Variants in COPB1 observed in about 807,000 individuals in gnomAD.
COPB1 encodes coatomer subunit beta.
In COPB1, 21 loss-of-function variants were observed where a neutral mutation model predicts 108.7. The ratio of observed to expected loss-of-function variants is 0.19; its 90% CI spans 0.14 to 0.28. COPB1 has a LOEUF of 0.28. Ranked by LOEUF, COPB1 falls within the 10% of genes least tolerant of loss-of-function variation. The probability of loss-of-function intolerance (pLI) is 1.00; values close to 1 mark genes in which losing one functional copy is unlikely to be tolerated. For missense variants in COPB1, 919 were observed against 1,141.3 expected (o/e 0.81, Z 2.81); for synonymous variants, 378 against 386.8 (o/e 0.98, Z 0.27).
chr11:14,499,612 GT>G (rs1164488996), intron 1 of COPB1, 94 bp downstream of exon 1: 3 of 69,740 alleles, frequency 4.3e-5, no homozygotes, highest in African/African-American at 1.7e-4. Context: ...CCCCCACCCG[GT>G]CCCTTCTGCC....
chr11:14,483,739 C>T (rs562637483), intron 7 of COPB1, among the ~76,000 whole-genome samples: 1 of 152,126 alleles, frequency 6.6e-6, no homozygotes, highest in African/African-American at 2.4e-5. Context: ...AGAGAAAGAA[C>T]AGCCCTTCCT....
intron 10 of COPB1, 29 bp from the exon 11 acceptor site, chr11:14,479,743 G>T: frequency 6.5e-7 from 1 of 1,533,502 alleles, no homozygotes; most frequent in Non-Finnish European, 8.8e-7. Context: ...AAAGAAAATG[G>T]AACTAACAAT....
intron 1 of COPB1, 163 bp downstream of exon 1, chr11:14,499,544 G>C (rs1367857332): frequency 6.6e-6 from 1 of 151,418 alleles, no homozygotes; most frequent in African/African-American, 2.4e-5. Context: ...GGGATGGAGC[G>C]TCCGACCCGG....
At chr11:14,490,751 T>C (rs1195570779) in intron 4 of COPB1, 72 bp from the exon 5 acceptor site, 2 of 757,482 alleles carry the variant, frequency 2.6e-6, no homozygotes, top group Non-Finnish European at 4.2e-6. Context: ...CTCTGGACAA[T>C]ACCAAAATTA....
At chr11:14,473,069 T>C (rs1850442138) in intron 14 of COPB1, among the ~76,000 whole-genome samples, 1 of 152,060 alleles carries the variant, frequency 6.6e-6, no homozygotes, top group African/African-American at 2.4e-5. Flanking sequence ...CTGCCTCCCA[T>C]GTTCAAACAA....
At chr11:14,471,438 T>A (rs1850399721) in intron 14 of COPB1, among the ~76,000 whole-genome samples, 1 of 152,098 alleles carries the variant, frequency 6.6e-6, no homozygotes, top group South Asian at 2.1e-4. Flanking sequence ...GATAAAAAAA[T>A]GTTGGAGACT....
chr11:14,491,672 A>G (rs200760714), intron 4 of COPB1, among the ~76,000 whole-genome samples: 46,282 of 94,638 alleles, frequency 0.49, 8,254 homozygotes, highest in South Asian at 0.55. Flanking sequence ...TCTGTCTCAA[A>G]AAAAAAAAAA....
At chr11:14,476,649 T>C (rs1458174507) in intron 12 of COPB1, among the ~76,000 whole-genome samples, 1 of 152,178 alleles carries the variant, frequency 6.6e-6, no homozygotes, top group African/African-American at 2.4e-5. Context: ...ATAAGGTTGT[T>C]AGGATGAAGA....
At chr11:14,486,826 C>T (rs756130121) in intron 6 of COPB1, among the ~76,000 whole-genome samples, 3 of 151,752 alleles carry the variant, frequency 2.0e-5, no homozygotes, top group African/African-American at 4.8e-5. Flanking sequence ...TTTACTGTTT[C>T]GTAAAAGGTT....
intron 14 of COPB1, among the ~76,000 whole-genome samples, chr11:14,473,186 G>C (rs1476980454): frequency 2.0e-5 from 3 of 152,086 alleles, no homozygotes; most frequent in Non-Finnish European, 4.4e-5. Context: ...TGTTGGCCAG[G>C]CTGGTCTCGA....
intron 10 of COPB1, among the ~76,000 whole-genome samples, chr11:14,480,324 G>A (rs920922425): frequency 6.6e-6 from 1 of 152,134 alleles, no homozygotes; most frequent in African/African-American, 2.4e-5. Context: ...GAACTCAAGA[G>A]CTCAAAGGCA....
chr11:14,497,714 G>A lies in COPB1; in HGVS notation c.91+1124C>T, dbSNP rs542949801. Among the ~76,000 whole-genome samples the A allele has an allele frequency of 2.2e-4, 33 of 152,288 alleles. No homozygotes were observed. The South Asian group carries it at 6.8e-3, about 32-fold the overall frequency. On this transcript the variant is annotated intron_variant, in intron 2 of 21. Transcript: ENST00000439561. Reference sequence around the variant, plus strand: ...GGTATATATCCAAAAGAAAGGAAATGAGTACATCAAAGAGATATCTGGACT... The same window carrying A: ...GGTATATATCCAAAAGAAAGGAAATAAGTACATCAAAGAGATATCTGGACT...
chr11:14,480,729 T>C, intron 10 of COPB1, 30 bp downstream of exon 10: 1 of 1,581,112 alleles, frequency 6.3e-7, no homozygotes, highest in African/African-American at 1.4e-5. Flanking sequence ...TTTAGATAAT[T>C]TCAAAATTAA....
At chr11:14,467,335 G>A (rs1357971067) in intron 16 of COPB1, among the ~76,000 whole-genome samples, 1 of 151,828 alleles carries the variant, frequency 6.6e-6, no homozygotes, top group Non-Finnish European at 1.5e-5. Context: ...AAACCACAAT[G>A]AGATACCACT....
chr11:14,492,090 T>C (rs1850917320), intron 4 of COPB1, among the ~76,000 whole-genome samples: 1 of 152,196 alleles, frequency 6.6e-6, no homozygotes, highest in Admixed American at 6.5e-5. Flanking sequence ...TCACAGGCAA[T>C]GTATCCTTTC....
At chr11:14,490,792 CTT>C (rs375723824) in intron 4 of COPB1, 113 bp from the exon 5 acceptor site, 13,417 of 471,420 alleles carry the variant, frequency 0.028, no homozygotes, top group South Asian at 0.044. Context: ...CATACTTTTG[CTT>C]TTTTTTTTTT....
intron 8 of COPB1, among the ~76,000 whole-genome samples, chr11:14,481,575 G>A (rs1364510216): frequency 1.3e-5 from 2 of 152,074 alleles, no homozygotes; most frequent in African/African-American, 4.8e-5. Flanking sequence ...AGGGCTTTTG[G>A]GATAACTGGG....
At chr11:14,495,583 C>T (rs534666931) in intron 2 of COPB1, among the ~76,000 whole-genome samples, 3 of 152,286 alleles carry the variant, frequency 2.0e-5, no homozygotes, top group South Asian at 2.1e-4. Flanking sequence ...ACGCTGGTCT[C>T]GAACTCCTGA....
At chr11:14,478,180 C>T (rs1440145254) in intron 11 of COPB1, among the ~76,000 whole-genome samples, 1 of 151,996 alleles carries the variant, frequency 6.6e-6, no homozygotes, top group Non-Finnish European at 1.5e-5. Flanking sequence ...AACTGGTAAA[C>T]CTAGCAGTAA....
Sources: allele counts gnomAD v4.1 joint callset (sites outside exome capture counted in the v4.1 genomes callset), GRCh38; gene constraint gnomAD v4.1.1; transcripts MANE v1.5; gene names NCBI Gene and HGNC (gene_info 2026-07-23, HGNC 2026-07-21).